Variants in ADGRG7 observed in about 807,000 individuals in gnomAD.
The protein encoded by ADGRG7 is G-protein coupled receptor 128.
ADGRG7 carries 82 observed loss-of-function variants against 88.6 expected under a neutral mutation model. That is an observed-to-expected ratio of 0.93 (90% CI 0.77 to 1.11). The LOEUF is 1.11. ADGRG7 is among the 50% of genes most tolerant of loss of function. The pLI is 0.00. For missense variants in ADGRG7, 945 were observed against 953.4 expected (o/e 0.99, Z 0.12); for synonymous variants, 381 against 345.2 (o/e 1.10, Z -1.15).
At chr3:100,619,769 A>G (rs1005095320) in intron 1 of ADGRG7, among the ~76,000 whole-genome samples, 1 of 152,206 alleles carries the variant, frequency 6.6e-6, no homozygotes, top group African/African-American at 2.4e-5. Context: ...ATCAGAGAAT[A>G]CTATAAACAC....
chr3:100,612,342 T>C (rs1355885562), intron 1 of ADGRG7, among the ~76,000 whole-genome samples: 1 of 152,146 alleles, frequency 6.6e-6, no homozygotes, highest in East Asian at 1.9e-4. Flanking sequence ...ATACCTATAG[T>C]TTTAAAAATT....
intron 15 of ADGRG7, among the ~76,000 whole-genome samples, chr3:100,672,693 T>C (rs569897243): frequency 2.0e-5 from 3 of 152,286 alleles, no homozygotes; most frequent in African/African-American, 7.2e-5. Flanking sequence ...GGCTGTGGGT[T>C]TGTCATAAAT....
chr3:100,633,087 C>G (rs1464249524), intron 3 of ADGRG7, among the ~76,000 whole-genome samples, 178 bp from the exon 4 acceptor site: 2 of 152,108 alleles, frequency 1.3e-5, no homozygotes, highest in Non-Finnish European at 2.9e-5. Context: ...AAATAGTCAA[C>G]TGGTCTTTTG....
At position 100,609,888 on chromosome 3, in the gene ADGRG7, T is replaced by A; in HGVS notation, c.32T>A (p.Val11Glu). Residue 11 changes from valine (V) to glutamate (E), a missense_variant, in exon 1 of 16, where the codon GTG becomes GAG. Val to Glu is a moderately radical substitution (Grantham distance 121). Transcript: ENST00000273352. Reference protein sequence around the residue: MASCRAWNLRVLVAVVCGLLT... With the variant: MASCRAWNLRELVAVVCGLLT... ...TCCTGCCGTGCCTGGAACCTTAGGG[T>A]GCTGGTGGCTGTCGTGTGTGGACTA... 2 of 1,614,038 alleles carry A rather than the reference T, an allele frequency of 1.2e-6. No individual in the cohort carries two copies. The highest frequency in any genetic ancestry group is 1.7e-6 in the Non-Finnish European group (2 of 1,179,934).
chr3:100,628,942 A>G (rs1238284672), intron 1 of ADGRG7, among the ~76,000 whole-genome samples: 1 of 152,076 alleles, frequency 6.6e-6, no homozygotes, highest in Non-Finnish European at 1.5e-5. Context: ...GACCCCTCTA[A>G]GGTTCCTTCA....
intron 15 of ADGRG7, among the ~76,000 whole-genome samples, chr3:100,689,711 C>T (rs1439661325): frequency 1.3e-5 from 2 of 152,244 alleles, no homozygotes; most frequent in African/African-American, 4.8e-5. Context: ...CCCCCACTCT[C>T]TTCTGGCTTG....
chr3:100,669,979 A>T (rs549455467), intron 15 of ADGRG7, among the ~76,000 whole-genome samples: 1 of 152,250 alleles, frequency 6.6e-6, no homozygotes, highest in African/African-American at 2.4e-5. Context: ...TGGAGGTTGC[A>T]GTGAGCTGAG....
Position 100,643,652 on chromosome 3 carries a change from G to T in ADGRG7, c.946+19G>T. The T allele has an allele frequency of 6.5e-7, 1 of 1,538,170 alleles. No homozygotes were observed. The highest frequency in any genetic ancestry group is 1.2e-5 in the South Asian group (1 of 86,494). On this transcript the variant is annotated intron_variant, in intron 8 of 15. Transcript: ENST00000273352. ...ACGAAAAGTAAGTCTCAAACTTTGT[G>T]ACATTTAAAAAAATGGACTCGAATT...
At chr3:100,629,890 A>G (rs1393935051) in intron 2 of ADGRG7, among the ~76,000 whole-genome samples, 179 bp downstream of exon 2, 1 of 152,120 alleles carries the variant, frequency 6.6e-6, no homozygotes, top group Admixed American at 6.6e-5. Context: ...TTCTTGGCCA[A>G]TTTATCAGTA....
chr3:100,694,970 C>G lies in ADGRG7; in HGVS notation c.2363C>G (p.Ser788Cys), dbSNP rs2094999954. The G allele has an allele frequency of 1.9e-6, 3 of 1,614,184 alleles. No homozygotes were observed. The African/African-American group carries it at 4.0e-5, about 22-fold the overall frequency. The change falls in exon 16 of 16, where the codon TCT (serine) becomes TGT (cysteine). Residue 788 changes from serine to cysteine, a missense_variant. Physicochemically the swap from Ser to Cys is moderately radical, Grantham distance 112 (BLOSUM62 -1). Transcript: ENST00000273352. ...CCGAGTACTGAGGAAATCACACTCT[C>G]TGAAAGTGACAATGCAAAGGAAAGC... ...TSPSTEEITLSESDNAKESI is the reference protein window; with the variant it reads ...TSPSTEEITLCESDNAKESI
chr3:100,620,963 T>C (rs1333943520), intron 1 of ADGRG7, among the ~76,000 whole-genome samples: 2 of 152,186 alleles, frequency 1.3e-5, no homozygotes, highest in Non-Finnish European at 2.9e-5. Flanking sequence ...TCTCACAATA[T>C]GTCAAACTTT....
rs1707682220 is a variant in ADGRG7, at chr3:100,643,526, G to A, written c.839G>A (p.Gly280Glu). Residue 280 changes from glycine to glutamate, a missense_variant and splice_region_variant, in exon 8 of 16, where the codon GGA becomes GAA. Transcript: ENST00000273352. ...PSNVRFSVQK[G>E]ASSSLVSSST... Reference sequence around the variant, plus strand: ...AATTCTACTCTTTCCCTTCTCATAGGAGCTAGCAGTTCTCTAGTTTCTAGT... The same window carrying A: ...AATTCTACTCTTTCCCTTCTCATAGAAGCTAGCAGTTCTCTAGTTTCTAGT... The A allele has an allele frequency of 2.5e-6, 4 of 1,612,248 alleles. No individual in the cohort carries two copies. The African/African-American group carries it at 4.0e-5, about 16-fold the overall frequency.
chr3:100,666,972 G>T (rs2094952627), intron 14 of ADGRG7, among the ~76,000 whole-genome samples: 1 of 152,098 alleles, frequency 6.6e-6, no homozygotes, highest in Non-Finnish European at 1.5e-5. Flanking sequence ...TGGGGGTAAG[G>T]TCATAGATTA....
chr3:100,629,614 A>C lies in ADGRG7; in HGVS notation c.132A>C (p.Ser44=). Residue 44 remains serine (S), a synonymous_variant, in exon 2 of 16, where the codon TCA becomes TCC. Transcript: ENST00000273352. ...TTTCTTTAGGAAAATCTACTTCCTC[A>C]TCAAGCACCCCTACAGAGTTCTGCA... ...IRIQRGKSTS[S]SSTPTEFCRN... 6.2e-7 allele frequency: 1 copy of C among 1,612,572 alleles called. No individual in the cohort carries two copies. The highest frequency in any genetic ancestry group is 8.5e-7 in the Non-Finnish European group (1 of 1,178,844).
At chr3:100,621,261 T>C (rs1707308027) in intron 1 of ADGRG7, among the ~76,000 whole-genome samples, 1 of 152,050 alleles carries the variant, frequency 6.6e-6, no homozygotes, top group Admixed American at 6.6e-5. Context: ...TGTCTCTCAC[T>C]TGGAATCAAA....
intron 15 of ADGRG7, among the ~76,000 whole-genome samples, chr3:100,681,653 A>T (rs2094973656): frequency 6.6e-6 from 1 of 151,652 alleles, no homozygotes. Context: ...TACACTCCTC[A>T]CTCTATGCCT....
At chr3:100,610,514 A>T (rs1422862421) in intron 1 of ADGRG7, among the ~76,000 whole-genome samples, 2 of 152,286 alleles carry the variant, frequency 1.3e-5, no homozygotes, top group Non-Finnish European at 2.9e-5. Flanking sequence ...AAATTTAAAA[A>T]CCATTTTTAA....
intron 8 of ADGRG7, 132 bp downstream of exon 8, chr3:100,643,765 G>A (rs187386653): frequency 6.6e-5 from 40 of 606,400 alleles, no homozygotes; most frequent in Non-Finnish European, 1.0e-4. Context: ...GTAAGTTTGA[G>A]CTCTGACATA....
intron 11 of ADGRG7, among the ~76,000 whole-genome samples, chr3:100,650,551 A>G (rs2094927653): frequency 1.3e-5 from 2 of 152,132 alleles, no homozygotes; most frequent in Admixed American, 6.5e-5. Flanking sequence ...TTTGTCTGAA[A>G]TTTTCCTCAT....
Sources: allele counts gnomAD v4.1 joint callset (sites outside exome capture counted in the v4.1 genomes callset), GRCh38; gene constraint gnomAD v4.1.1; transcripts MANE v1.5; gene names NCBI Gene and HGNC (gene_info 2026-07-23, HGNC 2026-07-21).